Variants in MCUB observed in about 807,000 individuals in gnomAD.
MCUB encodes mitochondrial calcium uniporter dominant negative subunit beta.
In MCUB, 46 loss-of-function variants were observed where a neutral mutation model predicts 41.4. The observed-to-expected ratio is 1.11, with a 90% CI of 0.88 to 1.42. The LOEUF (loss-of-function observed/expected upper bound fraction) is 1.42. Among genes scored for constraint, MCUB ranks in the 40% most tolerant of loss-of-function variants. MCUB has a pLI of 0.00. For missense variants in MCUB, 403 were observed against 404.9 expected (o/e 1.00, Z 0.04); for synonymous variants, 148 against 148.2 (o/e 1.00, Z 0.01).
chr4:109,569,683 A>T lies in MCUB; in HGVS notation c.99+9247A>T, dbSNP rs369309480. Among the ~76,000 whole-genome samples, 330 of 151,792 alleles carry T rather than the reference A, an allele frequency of 2.2e-3. 1 individual carries two copies. The highest frequency in any genetic ancestry group is 7.4e-3 in the African/African-American group (307 of 41,402). ...CACACCTGGCTAATTTTTGTATTTT[A>T]GTAGAGATGGTGTTTCCCCATGTTG... is the stretch of plus-strand genomic sequence containing the variant. On this transcript the variant is annotated intron_variant, in intron 1 of 7. Coordinates refer to ENST00000394650, the MANE Select transcript of MCUB (RefSeq NM_017918.5).
Position 109,622,668 on chromosome 4 carries a change from T to C in MCUB, c.100-36343T>C, listed in dbSNP as rs142083225. 7.8e-3 allele frequency among the ~76,000 whole-genome samples: 1,190 copies of C among 152,358 alleles called. 25 individuals are homozygous for C. The highest frequency in any genetic ancestry group is 0.065 in the East Asian group (335 of 5,182). ...AATCACTTCAAGATTAAGTTATATA[T>C]ATGCCTCCATGGGTGTGCCCACAGC... On this transcript the variant is annotated intron_variant, in intron 1 of 7. Transcript: ENST00000394650.
intron 2 of MCUB, among the ~76,000 whole-genome samples, chr4:109,659,603 AC>A (rs947293369): frequency 5.3e-5 from 8 of 152,168 alleles, no homozygotes; most frequent in African/African-American, 1.7e-4. Flanking sequence ...AGAAAAAAAA[AC>A]AAATAGTTTC....
intron 1 of MCUB, among the ~76,000 whole-genome samples, chr4:109,653,965 A>G (rs1372493715): frequency 6.6e-6 from 1 of 152,148 alleles, no homozygotes; most frequent in East Asian, 1.9e-4. Context: ...TTTTATTTCT[A>G]CCAACTTTAG....
At chr4:109,585,125 G>A (rs1727275077) in intron 1 of MCUB, among the ~76,000 whole-genome samples, 1 of 152,116 alleles carries the variant, frequency 6.6e-6, no homozygotes, top group African/African-American at 2.4e-5. Context: ...ATGGATCTGG[G>A]TGCTCCTGTA....
rs529549996 is a variant in MCUB at position 109,613,311 on chromosome 4, T to C, written c.100-45700T>C. ...TTAGTGGCTCAAAATGGCACACATT[T>C]ATTAGCTCAGTTTCTGTAGTCCGGG... On this transcript the variant is annotated intron_variant, in intron 1 of 7. Coordinates refer to ENST00000394650, the MANE Select transcript of MCUB (RefSeq NM_017918.5). 2.0e-5 allele frequency among the ~76,000 whole-genome samples: 3 copies of C among 152,300 alleles called. No individual in the cohort carries two copies. In the South Asian group the frequency reaches 6.2e-4, roughly 32 times the overall value.
rs185274228 is a variant in MCUB at position 109,592,749 on chromosome 4, A to G, written c.99+32313A>G. Among the ~76,000 whole-genome samples, 350 of 152,348 alleles carry G rather than the reference A, an allele frequency of 2.3e-3. 1 individual carries two copies. Among genetic ancestry groups the G allele is most frequent in the African/African-American group, 8.0e-3 (333 of 41,584 alleles). On this transcript the variant is annotated intron_variant, in intron 1 of 7. Transcript: ENST00000394650. ...TAAAATAAAATTTTAAATGAAATAC[A>G]TGTATCCTATGTGCACACTTTCAGG...
intron 1 of MCUB, among the ~76,000 whole-genome samples, chr4:109,567,698 TTTTTA>T (rs1241263874): frequency 1.3e-5 from 2 of 151,518 alleles, no homozygotes; most frequent in African/African-American, 4.8e-5. Context: ...GAACAGGGGC[TTTTTA>T]TTTTATTTAT....
At chr4:109,647,823 G>A (rs1038307834) in intron 1 of MCUB, among the ~76,000 whole-genome samples, 1 of 152,164 alleles carries the variant, frequency 6.6e-6, no homozygotes, top group African/African-American at 2.4e-5. Context: ...TGGTAAAAGG[G>A]ATGTAGAACT....
intron 1 of MCUB, among the ~76,000 whole-genome samples, chr4:109,623,691 A>G (rs1429811016): frequency 6.6e-6 from 1 of 152,236 alleles, no homozygotes; most frequent in African/African-American, 2.4e-5. Context: ...CAGGGAACCC[A>G]AGAACACTCA....
chr4:109,571,469 T>C lies in MCUB; in HGVS notation c.99+11033T>C, dbSNP rs189009288. Among the ~76,000 whole-genome samples, 74 of 152,272 alleles carry C rather than the reference T, an allele frequency of 4.9e-4. No homozygotes were observed. The Middle Eastern group carries it at 0.017, about 35-fold the overall frequency. On this transcript the variant is annotated intron_variant, in intron 1 of 7. Transcript: ENST00000394650. Reference sequence around the variant, plus strand: ...CTGGGACTATAGGCACACGCCATCCTGCCCAGCTAATTTTTGTATTTTTAG... The same window carrying C: ...CTGGGACTATAGGCACACGCCATCCCGCCCAGCTAATTTTTGTATTTTTAG...
chr4:109,585,673 G>T (rs762462877), intron 1 of MCUB, among the ~76,000 whole-genome samples: 19 of 152,296 alleles, frequency 1.2e-4, no homozygotes, highest in East Asian at 5.8e-4. Context: ...GCATTTGCTT[G>T]TGTGTAAAGG....
intron 1 of MCUB, among the ~76,000 whole-genome samples, chr4:109,633,005 A>G (rs1728508877): frequency 6.6e-6 from 1 of 152,208 alleles, no homozygotes. Context: ...TGATATGCCA[A>G]AATAATGATT....
At chr4:109,589,450 A>G (rs1270559714) in intron 1 of MCUB, among the ~76,000 whole-genome samples, 2 of 152,184 alleles carry the variant, frequency 1.3e-5, no homozygotes, top group Admixed American at 1.3e-4. Flanking sequence ...TGTGCTGGAT[A>G]CTTCAGCCTT....
At chr4:109,643,738 A>G (rs1377165249) in intron 1 of MCUB, among the ~76,000 whole-genome samples, 1 of 151,174 alleles carries the variant, frequency 6.6e-6, no homozygotes, top group African/African-American at 2.4e-5. Context: ...TCCTGACCTC[A>G]GGTGATCCGC....
intron 4 of MCUB, among the ~76,000 whole-genome samples, chr4:109,669,189 T>A (rs1379516074): frequency 6.6e-6 from 1 of 152,212 alleles, no homozygotes; most frequent in Non-Finnish European, 1.5e-5. Context: ...GAACTTCTTT[T>A]AATATTTCTT....
intron 1 of MCUB, among the ~76,000 whole-genome samples, chr4:109,571,169 A>G (rs1282977201): frequency 6.6e-6 from 1 of 152,198 alleles, no homozygotes; most frequent in Non-Finnish European, 1.5e-5. Flanking sequence ...ATCTAGCCCA[A>G]CATTAGAACT....
chr4:109,687,486 T>C, intron 7 of MCUB, 29 bp from the exon 8 acceptor site: 1 of 1,513,922 alleles, frequency 6.6e-7, no homozygotes, highest in Non-Finnish European at 9.2e-7. Context: ...TTCTTTCTGA[T>C]CACATGCTTT....
chr4:109,564,752 G>A (rs1726733404), intron 1 of MCUB, among the ~76,000 whole-genome samples: 1 of 152,162 alleles, frequency 6.6e-6, no homozygotes, highest in South Asian at 2.1e-4. Context: ...CTTGGTAGTT[G>A]ATGCAAACTA....
chr4:109,680,863 C>T lies in MCUB; in HGVS notation c.452-1719C>T, dbSNP rs1359316249. Among the ~76,000 whole-genome samples the T allele has an allele frequency of 2.0e-5, 3 of 152,174 alleles. No homozygotes were observed. The South Asian group carries it at 6.2e-4, about 31-fold the overall frequency. On this transcript the variant is annotated intron_variant, in intron 4 of 7. Coordinates refer to ENST00000394650, the MANE Select transcript of MCUB (RefSeq NM_017918.5). ...CTCACCTTGTCCTCCCTCAGGTTCT[C>T]TTAACAGTGATAATGAACAATTACA... is the stretch of plus-strand genomic sequence containing the variant.
Sources: gnomAD v4.1 joint callset for allele counts (sites outside exome capture counted in the v4.1 genomes callset) on GRCh38, gnomAD v4.1.1 for gene constraint, MANE v1.5 for transcripts, NCBI Gene and HGNC (gene_info 2026-07-23, HGNC 2026-07-21) for gene names.